The following TMTC2 variants were observed in gnomAD, a reference collection of about 807,000 sequenced individuals.
The protein encoded by TMTC2 is transmembrane O-mannosyltransferase targeting cadherins 2.
A neutral mutation model predicts 82.4 loss-of-function variants in TMTC2; 43 were observed. That is an observed-to-expected ratio of 0.52 (90% CI 0.41 to 0.67). TMTC2 has a LOEUF of 0.67. Ranked by LOEUF, TMTC2 falls within the 30% of genes least tolerant of loss-of-function variation. The pLI is 0.00. For missense variants in TMTC2, 919 were observed against 1,012.4 expected (o/e 0.91, Z 1.25); for synonymous variants, 408 against 381.9 (o/e 1.07, Z -0.80).
At chr12:82,699,168 A>C (rs1872954204) in intron 1 of TMTC2, among the ~76,000 whole-genome samples, 1 of 152,126 alleles carries the variant, frequency 6.6e-6, no homozygotes, top group Non-Finnish European at 1.5e-5. Context: ...AGCCCCTGCT[A>C]TCTGAACTAC....
intron 1 of TMTC2, among the ~76,000 whole-genome samples, chr12:82,770,582 C>A (rs561865028): frequency 6.6e-6 from 1 of 151,988 alleles, no homozygotes; most frequent in East Asian, 1.9e-4. Context: ...GTGAGAAAAA[C>A]CAGGGGGAAG....
intron 1 of TMTC2, among the ~76,000 whole-genome samples, chr12:82,780,813 T>G (rs1352753689): frequency 8.3e-6 from 1 of 120,416 alleles, no homozygotes; most frequent in Non-Finnish European, 1.8e-5. Context: ...GTTTTGTTTT[T>G]TTTTTTAATT....
intron 1 of TMTC2, among the ~76,000 whole-genome samples, chr12:82,742,934 T>G (rs1378387265): frequency 2.0e-5 from 3 of 152,226 alleles, no homozygotes; most frequent in Non-Finnish European, 4.4e-5. Flanking sequence ...GCCACTCTAG[T>G]GCATCATGAT....
Position 83,133,509 on chromosome 12 carries a change from A to G in TMTC2, c.*1120A>G, listed in dbSNP as rs1295043814. 6.6e-6 allele frequency: 1 copy of G among 152,234 alleles called. No homozygotes were observed. The highest frequency in any genetic ancestry group is 1.5e-5 in the Non-Finnish European group (1 of 68,040). The allele number at this position is 152,234 out of a possible 1,614,324, so 9.4% of individuals were successfully genotyped here. ...AGTTTGTTCTTCTCAAAAGGCATCA[A>G]AAACAACTTATTTGAAGCTGCAATA... On this transcript the variant is annotated 3_prime_UTR_variant, in exon 12 of 12. Transcript: ENST00000321196.
intron 1 of TMTC2, among the ~76,000 whole-genome samples, chr12:82,828,200 T>C (rs1869535720): frequency 6.6e-6 from 1 of 150,380 alleles, no homozygotes; most frequent in Non-Finnish European, 1.5e-5. Flanking sequence ...GCCCTTTTGC[T>C]TTTTCTTTGG....
At chr12:83,040,044 A>G (rs540765448) in intron 9 of TMTC2, among the ~76,000 whole-genome samples, 4 of 152,362 alleles carry the variant, frequency 2.6e-5, no homozygotes, top group African/African-American at 9.6e-5. Flanking sequence ...TTTAACAATT[A>G]CATTCCTGAC....
intron 8 of TMTC2, chr12:82,986,331 C>T (rs1879152915): frequency 1.3e-5 from 4 of 303,724 alleles, no homozygotes; most frequent in Non-Finnish European, 1.9e-5. Context: ...GTGAGATGTC[C>T]GTATCATCCC....
At chr12:82,773,852 C>G (rs910277893) in intron 1 of TMTC2, among the ~76,000 whole-genome samples, 7 of 151,910 alleles carry the variant, frequency 4.6e-5, no homozygotes, top group Admixed American at 4.6e-4. Context: ...TTATTTTTTT[C>G]TTTTTTCTTT....
intron 8 of TMTC2, among the ~76,000 whole-genome samples, chr12:82,988,441 T>G (rs1879261916): frequency 6.6e-6 from 1 of 151,978 alleles, no homozygotes; most frequent in Admixed American, 6.5e-5. Context: ...AGTATTCAGG[T>G]CTCTCCCCTT....
chr12:82,795,171 G>T (rs931635284), intron 1 of TMTC2, among the ~76,000 whole-genome samples: 7 of 151,880 alleles, frequency 4.6e-5, no homozygotes, highest in South Asian at 2.1e-4. Context: ...TGGGCTTGGT[G>T]GCACGTGTCT....
chr12:82,719,822 T>G (rs1227575523), intron 1 of TMTC2, among the ~76,000 whole-genome samples: 1 of 152,222 alleles, frequency 6.6e-6, no homozygotes. Flanking sequence ...CTTACTTAAC[T>G]GCATAATGGA....
chr12:82,789,940 C>G (rs1274323112), intron 1 of TMTC2, among the ~76,000 whole-genome samples: 1 of 152,060 alleles, frequency 6.6e-6, no homozygotes, highest in Non-Finnish European at 1.5e-5. Context: ...TATCTGGGCA[C>G]AGTGGCTCAT....
chr12:83,001,970 C>T (rs1223679347), intron 8 of TMTC2, among the ~76,000 whole-genome samples: 3 of 152,080 alleles, frequency 2.0e-5, no homozygotes, highest in Admixed American at 1.3e-4. Flanking sequence ...GCCTGCTTTT[C>T]GTATCAGAAT....
intron 4 of TMTC2, among the ~76,000 whole-genome samples, chr12:82,940,629 G>T (rs1876666890): frequency 6.6e-6 from 1 of 150,628 alleles, no homozygotes. Context: ...TCCTCTGGTG[G>T]GGCCTCTGCA....
In TMTC2 at chr12:82,922,933, C is replaced by T. The variant is rs187600192; in HGVS notation, c.1484-7498C>T. ...TGGACATATTGTTCCTACCCACTAT[C>T]AGCCAACACTAAGACACTTGAATTT... On this transcript the variant is annotated intron_variant, in intron 3 of 11. Transcript: ENST00000321196. 3.1e-3 allele frequency among the ~76,000 whole-genome samples: 478 copies of T among 152,296 alleles called. 1 individual carries two copies. Among genetic ancestry groups the T allele is most frequent in the Non-Finnish European group, 5.3e-3 (361 of 68,026 alleles).
rs570755136 is a variant in TMTC2, at chr12:82,802,497, C to T, written c.84-54513C>T. 1.2e-4 allele frequency among the ~76,000 whole-genome samples: 19 copies of T among 152,282 alleles called. No homozygotes were observed. The East Asian group carries it at 1.9e-3, about 15-fold the overall frequency. On this transcript the variant is annotated intron_variant, in intron 1 of 11. Coordinates refer to ENST00000321196, the MANE Select transcript of TMTC2 (RefSeq NM_152588.3). ...GCGAGGACTGGGAGGGCTGCCAGCA[C>T]GCTGTCACCTCTCACTTCTACTGTA...
intron 1 of TMTC2, among the ~76,000 whole-genome samples, chr12:82,854,729 A>G (rs1871165732): frequency 6.6e-6 from 1 of 152,230 alleles, no homozygotes; most frequent in African/African-American, 2.4e-5. Context: ...AGATTTTCAC[A>G]GATCTTTTGC....
chr12:82,965,247 A>G (rs1878138500), intron 5 of TMTC2, 138 bp downstream of exon 5: 4 of 673,780 alleles, frequency 5.9e-6, no homozygotes, highest in East Asian at 5.4e-5. Flanking sequence ...ACCTCTAACA[A>G]TTATATCTCA....
At chr12:82,987,440 A>G (rs1387212738) in intron 8 of TMTC2, among the ~76,000 whole-genome samples, 25 of 147,488 alleles carry the variant, frequency 1.7e-4, no homozygotes, top group African/African-American at 4.1e-4. Flanking sequence ...AAAAAAGAGA[A>G]AAAAAAAAAA....
Sources: allele counts gnomAD v4.1 joint callset (sites outside exome capture counted in the v4.1 genomes callset), GRCh38; gene constraint gnomAD v4.1.1; transcripts MANE v1.5; gene names NCBI Gene and HGNC (gene_info 2026-07-23, HGNC 2026-07-21).